The following PGAP6 variants were observed in gnomAD, a reference collection of about 807,000 sequenced individuals.
PGAP6 encodes the protein post-GPI attachment to proteins 6.
Under a neutral mutation model 68.4 loss-of-function variants are expected in PGAP6, and 62 were observed. The ratio of observed to expected loss-of-function variants is 0.91; its 90% CI spans 0.74 to 1.12. The LOEUF (loss-of-function observed/expected upper bound fraction) is 1.12, where lower values mean the gene tolerates loss of function less well. Among genes scored for constraint, PGAP6 ranks in the 50% most tolerant of loss-of-function variants. The pLI, the probability that PGAP6 is intolerant of heterozygous loss-of-function variation, is 0.00. For synonymous variants in PGAP6, 575 were observed against 474.0 expected (o/e 1.21, Z -2.77); for missense variants, 1,188 against 1,068.5 (o/e 1.11, Z -1.56).
At chr16:384,054 G>A (rs780692425), upstream of PGAP6, among the ~76,000 whole-genome samples, 4 of 152,220 alleles carry the variant, frequency 2.6e-5, no homozygotes, top group Non-Finnish European at 4.4e-5. Context: ...TTAAAGGCAC[G>A]GAGGTCAGAT....
At position 377,174 on chromosome 16, in the gene PGAP6, G is replaced by C. The variant is rs2054392452; in HGVS notation, c.508-10C>G. The C allele has an allele frequency of 1.2e-6, 2 of 1,613,052 alleles. No individual in the cohort carries two copies. Among genetic ancestry groups the C allele is most frequent in the African/African-American group, 2.7e-5 (2 of 74,956 alleles). ...AGGTGGGAGCCAAGCCCTAGGGAAA[G>C]AACAGGTGTGGGCGGGGGCGGTGTC... On this transcript the variant is annotated splice_polypyrimidine_tract_variant and intron_variant, in intron 3 of 12. Coordinates refer to ENST00000431232, the MANE Select transcript of PGAP6 (RefSeq NM_021259.3).
At chr16:375,954 T>A (rs932017302) in intron 6 of PGAP6, among the ~76,000 whole-genome samples, 182 bp downstream of exon 6, 5 of 152,148 alleles carry the variant, frequency 3.3e-5, no homozygotes, top group African/African-American at 1.2e-4. Context: ...CCCCGGGGCC[T>A]GTTGACAGGA....
intron 3 of PGAP6, 35 bp from the exon 4 acceptor site, chr16:377,199 C>T (rs1351697732): frequency 6.2e-7 from 1 of 1,611,682 alleles, no homozygotes; most frequent in Non-Finnish European, 8.5e-7. Flanking sequence ...GGGGCGGTGT[C>T]AGAGAATGCA....
In PGAP6 at chr16:375,158, G is replaced by C. The variant is rs754244817; in HGVS notation, c.1414C>G (p.Gln472Glu). The C allele has an allele frequency of 1.2e-6, 2 of 1,613,472 alleles. No individual in the cohort carries two copies. Among genetic ancestry groups the C allele is most frequent in the South Asian group, 2.2e-5 (2 of 91,084 alleles). ...PETDNWYLSL[Q>E]LMCPENAEDC... is the part of the protein sequence containing the mutation. Reference sequence around the variant, plus strand: ...TCAGCATTCTCAGGGCACATGAGCTGCAGGGAGAGGTACCAGTTGTCTGTC... The same window carrying C: ...TCAGCATTCTCAGGGCACATGAGCTCCAGGGAGAGGTACCAGTTGTCTGTC... The change falls in exon 8 of 13, where the codon CAG becomes GAG. Residue 472 changes from glutamine to glutamate, a missense_variant. Gln to Glu is a conservative substitution (Grantham distance 29). Transcript: ENST00000431232.
intron 1 of PGAP6, among the ~76,000 whole-genome samples, chr16:380,635 G>A (rs1174994679): frequency 6.6e-6 from 1 of 152,216 alleles, no homozygotes; most frequent in African/African-American, 2.4e-5. Context: ...CCAAAGTGCG[G>A]GATTGCAGGC....
Position 376,261 on chromosome 16 carries a change from G to A in PGAP6, c.1099C>T (p.His367Tyr), listed in dbSNP as rs777517672. ...GAGACCCTGTCCAGGGGCTGGAAGT[G>A]CACCGACACCACGTCCATGTCCTCC... ...TREDMDVVSV[H>Y]FQPLDRVSVR... The change falls in exon 6 of 13, where the codon CAC becomes TAC. Residue 367 changes from histidine to tyrosine, a missense_variant. Transcript: ENST00000431232. 1.2e-6 allele frequency: 2 copies of A among 1,612,804 alleles called. No individual in the cohort carries two copies. The highest frequency in any genetic ancestry group is 1.1e-5 in the South Asian group (1 of 91,086).
rs555427350 is a variant in PGAP6 at position 376,966 on chromosome 16, C to T, written c.635+71G>A. Reference sequence around the variant, plus strand: ...ACCCCAGGACTCAGGGCCAGGCTCTCGCACCCACTCCACCGAATCTGAGAA... The same window carrying T: ...ACCCCAGGACTCAGGGCCAGGCTCTTGCACCCACTCCACCGAATCTGAGAA... On this transcript the variant is annotated intron_variant, in intron 4 of 12. Transcript: ENST00000431232. 30 of 1,591,376 alleles carry T rather than the reference C, an allele frequency of 1.9e-5. No homozygotes were observed. In the East Asian group the frequency reaches 3.2e-4, roughly 17 times the overall value.
chr16:381,583 G>T, intron 1 of PGAP6, 118 bp downstream of exon 1: 1 of 815,088 alleles, frequency 1.2e-6, no homozygotes, highest in Non-Finnish European at 1.6e-6. Context: ...CCGCGGCGGG[G>T]ACCCCCAACC....
intron 6 of PGAP6, 46 bp from the exon 7 acceptor site, chr16:375,481 G>A (rs748601946): frequency 5.8e-6 from 9 of 1,558,372 alleles, no homozygotes; most frequent in South Asian, 2.2e-5. Context: ...GCCCCTGGCC[G>A]CAGTGGGGTC....
In PGAP6 at chr16:371,105, G is replaced by A. The variant is rs574453079; in HGVS notation, c.*882C>T. 2 of 152,452 alleles carry A rather than the reference G, an allele frequency of 1.3e-5. No individual in the cohort carries two copies. Among genetic ancestry groups the A allele is most frequent in the East Asian group, 3.9e-4 (2 of 5,170 alleles). 9.4% of individuals were successfully genotyped at this position (152,452 alleles called of 1,614,324 possible). A position where few individuals can be genotyped will look rare whatever the true frequency, so the allele number is the denominator to read the frequency against. ...ATCCGAGACACTCACAGGCCTCAGG[G>A]AGGGGCCAGGTGCTGCTCCTGGTCA... On this transcript the variant is annotated 3_prime_UTR_variant, in exon 13 of 13. Transcript: ENST00000431232.
chr16:372,841 C>A, intron 11 of PGAP6, 114 bp from the exon 12 acceptor site: 1 of 718,040 alleles, frequency 1.4e-6, no homozygotes, highest in Non-Finnish European at 2.3e-6. Flanking sequence ...GGAGCTGCTG[C>A]CACCCTCAGA....
At position 374,368 on chromosome 16, in the gene PGAP6, G is replaced by A. The variant is rs1426789637; in HGVS notation, c.1608C>T (p.Ser536=). Residue 536 remains serine, a synonymous_variant, in exon 10 of 13, where the codon AGC becomes AGT. Transcript: ENST00000431232. Reference sequence around the variant, plus strand: ...TCTGCTGGGCCACCGTCTGGGCTGTGCTGTTGTCCGTGCAGCTCCACCCAC... The same window carrying A: ...TCTGCTGGGCCACCGTCTGGGCTGTACTGTTGTCCGTGCAGCTCCACCCAC... ...GWRGWSCTDN[S]TAQTVAQQRA... The A allele has an allele frequency of 6.3e-7, 1 of 1,593,420 alleles. No individual in the cohort carries two copies. The highest frequency in any genetic ancestry group is 1.3e-5 in the African/African-American group (1 of 74,610).
chr16:372,356 G>A (rs1056913123), intron 12 of PGAP6, 73 bp from the exon 13 acceptor site: 4 of 1,479,458 alleles, frequency 2.7e-6, no homozygotes, highest in Non-Finnish European at 3.6e-6. Flanking sequence ...CAGATACGGT[G>A]GTTACTGGGG....
rs369159552 is a variant in PGAP6 at position 376,796 on chromosome 16, A to G, written c.652T>C (p.Tyr218His). 1 of 1,607,496 alleles carries G rather than the reference A, an allele frequency of 6.2e-7. No individual in the cohort carries two copies. Among genetic ancestry groups the G allele is most frequent in the Non-Finnish European group, 8.5e-7 (1 of 1,179,896 alleles). ...AGCTCCAGCAGAAGCTCCCGCGTGT[A>G]ATCGGGGACAAAGACCCTGCAGCGA... ...PSYLKVFVPD[Y>H]TRELLLELRD... The change falls in exon 5 of 13, where the codon TAC (tyrosine) becomes CAC (histidine). Residue 218 changes from tyrosine to histidine, a missense_variant. Transcript: ENST00000431232.
chr16:378,206 TGA>T (rs2054404964), intron 1 of PGAP6, among the ~76,000 whole-genome samples: 1 of 55,154 alleles, frequency 1.8e-5, no homozygotes, highest in Non-Finnish European at 4.1e-5. Context: ...ATCGCCACCC[TGA>T]CTGCCATCGC....
Position 376,670 on chromosome 16 carries a change from C to T in PGAP6, c.778G>A (p.Gly260Ser), listed in dbSNP as rs147207812. ...SNFQKVLTCT[G>S]APWPCRLLLP... is the part of the protein sequence containing the mutation. ...AGCAGGCGGCAGGGCCAGGGGGCAC[C>T]GGTGCAGGTGAGCACCTTCTGGAAG... The change falls in exon 5 of 13, where the codon GGT becomes AGT. Residue 260 changes from glycine to serine, a missense_variant. Gly to Ser is a moderately conservative substitution (Grantham distance 56). Transcript: ENST00000431232. 1.1e-4 allele frequency: 174 copies of T among 1,610,198 alleles called. No individual in the cohort carries two copies. In the Middle Eastern group the frequency reaches 1.3e-3, roughly 12 times the overall value.
At chr16:378,808 C>A (rs1478250404) in intron 1 of PGAP6, among the ~76,000 whole-genome samples, 1 of 152,216 alleles carries the variant, frequency 6.6e-6, no homozygotes, top group Non-Finnish European at 1.5e-5. Flanking sequence ...AGAAGCCTGG[C>A]CAGTCATGAG....
At chr16:382,151 G>A (rs1597167777), upstream of PGAP6, 1 of 384,472 alleles carries the variant, frequency 2.6e-6, no homozygotes, top group Non-Finnish European at 4.6e-6. Flanking sequence ...GGTCCGGGGG[G>A]ACGCTGGAGG....
rs1163391552 is a variant in PGAP6 at position 370,805 on chromosome 16, A to G, written c.*1182T>C. ...AAAACTCGTTTAGTTTGAAAAATCA[A>G]TGTAGAATATTAAATTCACCAAACA... On this transcript the variant is annotated 3_prime_UTR_variant, in exon 13 of 13. Transcript: ENST00000431232. The G allele has an allele frequency of 6.5e-6, 1 of 154,052 alleles. No individual in the cohort carries two copies. The highest frequency in any genetic ancestry group is 2.4e-5 in the African/African-American group (1 of 40,920). 9.5% of individuals were successfully genotyped at this position (154,052 alleles called of 1,614,324 possible). A position where few individuals can be genotyped will look rare whatever the true frequency, so the allele number is the denominator to read the frequency against.
Sources: gnomAD v4.1 joint callset for allele counts (sites outside exome capture counted in the v4.1 genomes callset) on GRCh38, gnomAD v4.1.1 for gene constraint, MANE v1.5 for transcripts, NCBI Gene and HGNC (gene_info 2026-07-23, HGNC 2026-07-21) for gene names.